The following DRC8 variants were observed in gnomAD, a reference collection of about 807,000 sequenced individuals.
The protein encoded by DRC8 is dynein regulatory complex subunit 8.
At chr1:245,019,636 G>A in the DRC8 span, among the ~76,000 whole-genome samples, 1 of 151,718 alleles carries the variant, frequency 6.6e-6, no homozygotes, top group African/African-American at 2.4e-5. Flanking sequence ...GCCTCCCAAA[G>A]TGTTGGTATT....
chr1:245,063,386 C>T, the DRC8 span, among the ~76,000 whole-genome samples: 1 of 152,186 alleles, frequency 6.6e-6, no homozygotes, highest in Non-Finnish European at 1.5e-5. Context: ...CTCATCCAAT[C>T]TCAGGGGTAC....
the DRC8 span, among the ~76,000 whole-genome samples, chr1:245,119,960 GTAAA>G: frequency 6.6e-6 from 1 of 151,568 alleles, no homozygotes; most frequent in Admixed American, 6.6e-5. Flanking sequence ...AAGTAAATAA[GTAAA>G]TAAATAAAAG....
At chr1:245,084,069 C>G in the DRC8 span, among the ~76,000 whole-genome samples, 21 of 119,968 alleles carry the variant, frequency 1.8e-4, 1 homozygote, top group East Asian at 3.7e-3. Flanking sequence ...TCCGCCCCCC[C>G]CCCGGCGCCC....
the DRC8 span, among the ~76,000 whole-genome samples, chr1:245,108,438 C>T: frequency 6.6e-6 from 1 of 152,204 alleles, no homozygotes; most frequent in Non-Finnish European, 1.5e-5. Flanking sequence ...TCCCTTTTCT[C>T]TTTGACTATT....
chr1:245,082,180 A>G, the DRC8 span: 2 of 1,584,452 alleles, frequency 1.3e-6, no homozygotes, highest in South Asian at 1.1e-5. Flanking sequence ...AGTAAATGCA[A>G]TTGTTAAGGC....
chr1:245,082,294 C>A, the DRC8 span: 188 of 702,690 alleles, frequency 2.7e-4, no homozygotes, highest in African/African-American at 3.0e-3. Flanking sequence ...CTCCCTCTAA[C>A]CTTTCAAGCT....
chr1:245,057,909 G>C, the DRC8 span, among the ~76,000 whole-genome samples: 1 of 151,996 alleles, frequency 6.6e-6, no homozygotes, highest in African/African-American at 2.4e-5. Flanking sequence ...TAATATATTT[G>C]TTCCTATTAA....
chr1:244,973,990 A>G, the DRC8 span, among the ~76,000 whole-genome samples: 2 of 152,342 alleles, frequency 1.3e-5, no homozygotes, highest in Admixed American at 6.5e-5. Flanking sequence ...TAAAAATTAT[A>G]CAGAATTATA....
chr1:245,112,974 G>A, the DRC8 span, among the ~76,000 whole-genome samples: 2 of 152,042 alleles, frequency 1.3e-5, no homozygotes, highest in African/African-American at 2.4e-5. Flanking sequence ...GGTTGGTCTC[G>A]AACTCCTGAC....
chr1:244,999,740 A>G, the DRC8 span, among the ~76,000 whole-genome samples: 1 of 152,202 alleles, frequency 6.6e-6, no homozygotes, highest in Non-Finnish European at 1.5e-5. Flanking sequence ...GAAACAATGG[A>G]TAGTACTGAA....
At chr1:245,050,811 A>T in the DRC8 span, among the ~76,000 whole-genome samples, 1 of 151,874 alleles carries the variant, frequency 6.6e-6, no homozygotes, top group Non-Finnish European at 1.5e-5. Flanking sequence ...AAGTGCTCTT[A>T]TTGAGGTCAG....
chr1:245,121,512 C>T, the DRC8 span, among the ~76,000 whole-genome samples: 1 of 152,202 alleles, frequency 6.6e-6, no homozygotes, highest in Admixed American at 6.5e-5. Flanking sequence ...GACAGATCAC[C>T]AGGAAACAAT....
the DRC8 span, chr1:245,122,277 C>T: frequency 6.0e-6 from 1 of 166,614 alleles, no homozygotes; most frequent in African/African-American, 2.4e-5. Flanking sequence ...TTCATCCAAA[C>T]ATTTGCTTAG....
the DRC8 span, among the ~76,000 whole-genome samples, chr1:245,119,756 G>A: frequency 6.6e-6 from 1 of 151,858 alleles, no homozygotes; most frequent in Admixed American, 6.6e-5. Flanking sequence ...ACATGGTGAA[G>A]CCCCGTCTCT....
chr1:244,998,383 A>G, the DRC8 span, among the ~76,000 whole-genome samples: 4 of 151,962 alleles, frequency 2.6e-5, no homozygotes, highest in Non-Finnish European at 4.4e-5. Context: ...TAATTTTAAA[A>G]TTTTATTTTT....
At chr1:244,991,581 C>A in the DRC8 span, among the ~76,000 whole-genome samples, 2 of 152,108 alleles carry the variant, frequency 1.3e-5, no homozygotes, top group Non-Finnish European at 2.9e-5. Flanking sequence ...TTACTATGGT[C>A]CAGCTTTATG....
chr1:245,044,175 T>C, the DRC8 span: 2 of 152,270 alleles, frequency 1.3e-5, no homozygotes, highest in African/African-American at 2.4e-5. Context: ...GTGTCTAGTG[T>C]ATGTGTGGTG....
At chr1:245,051,495 G>A in the DRC8 span, among the ~76,000 whole-genome samples, 19 of 152,120 alleles carry the variant, frequency 1.2e-4, no homozygotes, top group African/African-American at 4.3e-4. Context: ...GGGAAGTGGA[G>A]ATGAGGAGGG....
chr1:245,072,969 C>A, the DRC8 span, among the ~76,000 whole-genome samples: 1 of 152,162 alleles, frequency 6.6e-6, no homozygotes, highest in African/African-American at 2.4e-5. Flanking sequence ...ACCATGCTTC[C>A]TGTACAGCCT....
Sources: gnomAD v4.1 joint callset for allele counts (sites outside exome capture counted in the v4.1 genomes callset) on GRCh38, gnomAD v4.1.1 for gene constraint, MANE v1.5 for transcripts, NCBI Gene and HGNC (gene_info 2026-07-23, HGNC 2026-07-21) for gene names.